Variants in OXSR1 observed in about 807,000 individuals in gnomAD.
OXSR1 encodes serine/threonine-protein kinase OSR1.
OXSR1 carries 24 observed loss-of-function variants against 79.8 expected under a neutral mutation model. The observed-to-expected ratio is 0.30, with a 90% CI of 0.22 to 0.42. The LOEUF is 0.42. Among genes scored for constraint, OXSR1 ranks in the 10% least tolerant of loss-of-function variants. The pLI is 1.00. For missense variants in OXSR1, 430 were observed against 618.4 expected, an observed-to-expected ratio of 0.70 and a Z score of 3.23; for synonymous variants, 226 against 209.2, an observed-to-expected ratio of 1.08 and a Z score of -0.69.
At chr3:38,243,404 C>T in intron 12 of OXSR1, among the ~76,000 whole-genome samples, 1 of 152,148 alleles carries the variant, frequency 6.6e-6, no homozygotes, top group East Asian at 1.9e-4. Context: ...TTCTTTCTTT[C>T]AGCCTCAGCC....
intron 1 of OXSR1, among the ~76,000 whole-genome samples, chr3:38,174,188 G>A (rs1470717770): frequency 3.9e-5 from 6 of 152,184 alleles, no homozygotes; most frequent in African/African-American, 1.4e-4. Flanking sequence ...TGATTGTCAG[G>A]TTGTAAGTTG....
chr3:38,244,766 C>T (rs1237443811), intron 12 of OXSR1, among the ~76,000 whole-genome samples: 2 of 151,844 alleles, frequency 1.3e-5, no homozygotes, highest in African/African-American at 4.8e-5. Context: ...CATAGGTGTA[C>T]AAGTATCTCT....
In OXSR1 at chr3:38,230,373, A is replaced by G; in HGVS notation, c.894A>G (p.Glu298=). ...TTACTTTTCCTCTCCAGAATAAAGAATTTCTTCAAGAAAAAACATTGCAGA... is the reference window on the plus strand; with the variant it reads ...TTACTTTTCCTCTCCAGAATAAAGAGTTTCTTCAAGAAAAAACATTGCAGA... The part of the protein sequence containing the change: ...HKFFQKAKNK[E]FLQEKTLQRA... The change falls in exon 10 of 18, where the codon GAA becomes GAG. Residue 298 remains glutamate (E), a synonymous_variant. Transcript: ENST00000311806. 4 of 1,594,100 alleles carry G rather than the reference A, an allele frequency of 2.5e-6. No homozygotes were observed. Among genetic ancestry groups the G allele is most frequent in the Non-Finnish European group, 3.4e-6 (4 of 1,165,448 alleles).
chr3:38,206,401 A>G (rs1295846375), intron 4 of OXSR1, among the ~76,000 whole-genome samples: 1 of 152,056 alleles, frequency 6.6e-6, no homozygotes, highest in Non-Finnish European at 1.5e-5. Context: ...GTGAGAGTTG[A>G]TACATTATGC....
chr3:38,206,044 A>G (rs1011253770), intron 4 of OXSR1, among the ~76,000 whole-genome samples: 2 of 152,236 alleles, frequency 1.3e-5, no homozygotes, highest in Non-Finnish European at 2.9e-5. Flanking sequence ...TTTTTGTTCT[A>G]TCTAAAGAAA....
intron 3 of OXSR1, among the ~76,000 whole-genome samples, chr3:38,197,282 A>G (rs1702086938): frequency 1.3e-5 from 2 of 152,238 alleles, no homozygotes; most frequent in South Asian, 2.1e-4. Context: ...TAAACTGCCT[A>G]TCTCCTATTG....
chr3:38,229,229 G>T (rs1702755681), intron 8 of OXSR1, among the ~76,000 whole-genome samples: 1 of 152,106 alleles, frequency 6.6e-6, no homozygotes, highest in Non-Finnish European at 1.5e-5. Context: ...CTAAATTGAA[G>T]GCTGGCAGGC....
chr3:38,231,136 C>G (rs1269341117), intron 10 of OXSR1, among the ~76,000 whole-genome samples: 3 of 152,178 alleles, frequency 2.0e-5, no homozygotes, highest in African/African-American at 7.2e-5. Context: ...GGCTTATTCT[C>G]TTCCGTAGAT....
At chr3:38,182,231 T>C (rs1374926202) in intron 1 of OXSR1, among the ~76,000 whole-genome samples, 1 of 152,216 alleles carries the variant, frequency 6.6e-6, no homozygotes, top group Non-Finnish European at 1.5e-5. Context: ...GACCTGTGGA[T>C]GTGGGGCCCT....
intron 7 of OXSR1, 114 bp downstream of exon 7, chr3:38,224,027 T>C (rs1702640712): frequency 1.6e-6 from 1 of 611,836 alleles, no homozygotes; most frequent in African/African-American, 1.9e-5. Flanking sequence ...AACATAAAAT[T>C]GACCATCATC....
intron 1 of OXSR1, among the ~76,000 whole-genome samples, chr3:38,168,873 T>C (rs924981223): frequency 1.1e-4 from 17 of 152,256 alleles, no homozygotes; most frequent in Admixed American, 1.0e-3. Context: ...TACCAGTTAA[T>C]GGGCATTGGA....
rs184857732 is a variant in OXSR1, at chr3:38,224,836, C to T, written c.836+132C>T. On this transcript the variant is annotated intron_variant, in intron 8 of 17. Transcript: ENST00000311806. Reference sequence around the variant, plus strand: ...TAAACTTTAAAAAAGTATACAGAGACCATTATACTGGATTGGAAATGAATT... The same window carrying T: ...TAAACTTTAAAAAAGTATACAGAGATCATTATACTGGATTGGAAATGAATT... 32 of 603,570 alleles carry T rather than the reference C, an allele frequency of 5.3e-5. No homozygotes were observed. The East Asian group carries it at 9.8e-4, about 18-fold the overall frequency. The allele number at this position is 603,570 out of a possible 1,614,324, so 37.4% of individuals were successfully genotyped here.
chr3:38,240,967 A>G (rs1028064784), intron 11 of OXSR1, among the ~76,000 whole-genome samples: 1 of 152,192 alleles, frequency 6.6e-6, no homozygotes, highest in Non-Finnish European at 1.5e-5. Flanking sequence ...TCATTTTACA[A>G]TCATCGTCGC....
chr3:38,230,137 A>G (rs1319543358), intron 9 of OXSR1, among the ~76,000 whole-genome samples: 1 of 152,176 alleles, frequency 6.6e-6, no homozygotes, highest in Non-Finnish European at 1.5e-5. Flanking sequence ...CAAACTCTTC[A>G]TAGACAGTGG....
chr3:38,201,734 C>A (rs1444948615), intron 4 of OXSR1, among the ~76,000 whole-genome samples: 1 of 151,324 alleles, frequency 6.6e-6, no homozygotes, highest in Non-Finnish European at 1.5e-5. Context: ...TATGGTGGTG[C>A]TTGCCTGTGG....
chr3:38,208,774 C>T (rs546691007), intron 4 of OXSR1, among the ~76,000 whole-genome samples: 2 of 152,222 alleles, frequency 1.3e-5, no homozygotes, highest in South Asian at 2.1e-4. Context: ...TGGTGGCACG[C>T]ACCTGTAGTC....
intron 8 of OXSR1, 87 bp from the exon 9 acceptor site, chr3:38,229,600 A>G (rs1702763699): frequency 1.0e-5 from 12 of 1,166,028 alleles, no homozygotes. Context: ...CTGTTGAAAA[A>G]AATTTTTTCT....
intron 8 of OXSR1, chr3:38,224,940 C>T (rs1161653211): frequency 8.1e-6 from 2 of 246,164 alleles, no homozygotes; most frequent in African/African-American, 4.5e-5. Context: ...CAAAGTTGTA[C>T]ATTGTGAATT....
intron 4 of OXSR1, among the ~76,000 whole-genome samples, chr3:38,208,621 G>C (rs766363301): frequency 1.3e-4 from 20 of 152,104 alleles, no homozygotes; most frequent in Non-Finnish European, 2.6e-4. Flanking sequence ...TGATATTCTA[G>C]GCCGGGCGCA....
Sources: gnomAD v4.1 joint callset for allele counts (sites outside exome capture counted in the v4.1 genomes callset) on GRCh38, gnomAD v4.1.1 for gene constraint, MANE v1.5 for transcripts, NCBI Gene and HGNC (gene_info 2026-07-23, HGNC 2026-07-21) for gene names.